DLG2: variants seen among roughly 807,000 people sequenced by gnomAD.
DLG2 encodes discs large MAGUK scaffold protein 2, also known as disks large homolog 2.
Under a neutral mutation model 132.5 loss-of-function variants are expected in DLG2, and 45 were observed. The observed-to-expected ratio is 0.34, with a 90% CI of 0.27 to 0.44. The LOEUF (loss-of-function observed/expected upper bound fraction) is 0.44. DLG2 is among the 20% of genes least tolerant of loss of function. DLG2 has a pLI of 1.00. For synonymous variants in DLG2, 424 were observed against 419.6 expected (o/e 1.01, Z -0.13); for missense variants, 1,045 against 1,196.9 (o/e 0.87, Z 1.87).
chr11:83,771,560 ATGTTAC>A, intron 18 of DLG2, among the ~76,000 whole-genome samples: 1 of 152,334 alleles, frequency 6.6e-6, no homozygotes. Context: ...TATGTACAGC[ATGTTAC>A]TGTTACTGTA....
chr11:83,528,627 G>A (rs1157533761), intron 21 of DLG2, among the ~76,000 whole-genome samples: 3 of 152,134 alleles, frequency 2.0e-5, no homozygotes, highest in South Asian at 2.1e-4. Flanking sequence ...CATGTATAGT[G>A]TAGAGTAATG....
At chr11:83,776,656 C>T (rs1366314199) in intron 18 of DLG2, among the ~76,000 whole-genome samples, 1 of 152,194 alleles carries the variant, frequency 6.6e-6, no homozygotes, top group Non-Finnish European at 1.5e-5. Context: ...CTCTCTTCTG[C>T]CTCCTCCAGT....
chr11:84,696,715 TGAAATAATGTTAAGGATACATATGGA>T (rs1315775866), intron 6 of DLG2, among the ~76,000 whole-genome samples: 16 of 151,166 alleles, frequency 1.1e-4, no homozygotes, highest in Non-Finnish European at 1.8e-4. Flanking sequence ...AAGTGAGAAA[TGAAATAATGTTAAGGATACATATGGA>T]GAAATAATGT....
intron 6 of DLG2, among the ~76,000 whole-genome samples, chr11:84,920,495 T>C (rs1229177391): frequency 6.6e-6 from 1 of 152,200 alleles, no homozygotes; most frequent in African/African-American, 2.4e-5. Context: ...AAACCCTGCA[T>C]AGATGTCCAT....
chr11:84,165,895 C>T (rs928915020), intron 8 of DLG2, among the ~76,000 whole-genome samples: 9 of 152,042 alleles, frequency 5.9e-5, no homozygotes, highest in African/African-American at 1.4e-4. Context: ...GAGATCCCGT[C>T]TCAAAAACAA....
At chr11:85,210,716 A>G (rs1430933908) in intron 4 of DLG2, among the ~76,000 whole-genome samples, 1 of 152,066 alleles carries the variant, frequency 6.6e-6, no homozygotes, top group African/African-American at 2.4e-5. Context: ...GCACAGCAGG[A>G]ATAATACTTT....
At chr11:85,190,379 T>TAC (rs2080433847) in intron 4 of DLG2, among the ~76,000 whole-genome samples, 1 of 152,026 alleles carries the variant, frequency 6.6e-6, no homozygotes, top group South Asian at 2.1e-4. Context: ...GAGGAAAGTT[T>TAC]ACAGCAGTGA....
At chr11:83,613,101 T>C (rs1185829458) in intron 19 of DLG2, among the ~76,000 whole-genome samples, 2 of 152,160 alleles carry the variant, frequency 1.3e-5, no homozygotes, top group Non-Finnish European at 2.9e-5. Flanking sequence ...AGGCTAAGCC[T>C]AAGTCAGGGG....
intron 6 of DLG2, among the ~76,000 whole-genome samples, chr11:84,917,427 GA>G (rs1352628148): frequency 6.6e-6 from 1 of 152,204 alleles, no homozygotes; most frequent in East Asian, 1.9e-4. Flanking sequence ...TATTTAGGTA[GA>G]TTGCTAAAAA....
intron 3 of DLG2, among the ~76,000 whole-genome samples, chr11:85,594,777 A>C (rs528522928): frequency 1.6e-4 from 24 of 152,308 alleles, no homozygotes; most frequent in Non-Finnish European, 2.9e-4. Context: ...ATTTTTAAAA[A>C]TGATTCAAGG....
In DLG2 at chr11:85,036,012, C is replaced by G. The variant is rs967234537; in HGVS notation, c.357+75649G>C. 8.5e-5 allele frequency among the ~76,000 whole-genome samples: 13 copies of G among 152,168 alleles called. No individual in the cohort carries two copies. In the East Asian group the frequency reaches 2.1e-3, roughly 25 times the overall value. ...AAAATAAAAAGTTAGGTGCATAGAG[C>G]ATGGGTTTAAATACTATTTCTGTCA... On this transcript the variant is annotated intron_variant, in intron 6 of 27. Transcript: ENST00000376104.
intron 6 of DLG2, among the ~76,000 whole-genome samples, chr11:84,958,348 A>T (rs1395075578): frequency 6.6e-6 from 1 of 152,224 alleles, no homozygotes; most frequent in African/African-American, 2.4e-5. Flanking sequence ...AAGCATTTCT[A>T]TTGCTTACAT....
At chr11:85,463,056 C>T (rs2092668550) in intron 3 of DLG2, among the ~76,000 whole-genome samples, 1 of 152,188 alleles carries the variant, frequency 6.6e-6, no homozygotes, top group Non-Finnish European at 1.5e-5. Flanking sequence ...ATACCAGAAC[C>T]TTGATCATGG....
intron 9 of DLG2, among the ~76,000 whole-genome samples, chr11:84,153,670 A>T (rs1294610100): frequency 1.3e-5 from 2 of 152,190 alleles, no homozygotes; most frequent in Non-Finnish European, 2.9e-5. Flanking sequence ...AAATTCCTGT[A>T]GTGAATTTTT....
At chr11:85,518,133 C>G (rs1438554519) in intron 3 of DLG2, among the ~76,000 whole-genome samples, 2 of 152,086 alleles carry the variant, frequency 1.3e-5, no homozygotes, top group Non-Finnish European at 2.9e-5. Flanking sequence ...TAAATTGATA[C>G]CAGCAGAGTG....
intron 4 of DLG2, among the ~76,000 whole-genome samples, chr11:85,256,207 A>C (rs1425775120): frequency 6.6e-6 from 1 of 152,182 alleles, no homozygotes; most frequent in Non-Finnish European, 1.5e-5. Context: ...GCAGATGAAC[A>C]GAAGAGCAGA....
chr11:84,707,552 A>C (rs1347312064), intron 6 of DLG2, among the ~76,000 whole-genome samples: 1 of 151,658 alleles, frequency 6.6e-6, no homozygotes, highest in African/African-American at 2.4e-5. Context: ...CTAACTACAT[A>C]CTCTTATCCA....
intron 15 of DLG2, among the ~76,000 whole-genome samples, chr11:83,923,398 C>T (rs1357314579): frequency 6.6e-6 from 1 of 152,108 alleles, no homozygotes; most frequent in African/African-American, 2.4e-5. Flanking sequence ...ACATGTTTAG[C>T]TAAAATGCAC....
At chr11:84,004,682 T>C (rs1020466204) in intron 11 of DLG2, among the ~76,000 whole-genome samples, 1 of 151,902 alleles carries the variant, frequency 6.6e-6, no homozygotes, top group African/African-American at 2.4e-5. Context: ...TCATTTACAA[T>C]GGTTACAGAA....
Sources: allele counts gnomAD v4.1 joint callset (sites outside exome capture counted in the v4.1 genomes callset), GRCh38; gene constraint gnomAD v4.1.1; transcripts MANE v1.5; gene names NCBI Gene and HGNC (gene_info 2026-07-23, HGNC 2026-07-21).